CRISP2: variants seen among roughly 807,000 people sequenced by gnomAD.
CRISP2 encodes the protein cysteine rich secretory protein 2.
In CRISP2, 29 loss-of-function variants were observed where a neutral mutation model predicts 31.7. That is an observed-to-expected ratio of 0.92 (90% CI 0.68 to 1.25). The LOEUF (loss-of-function observed/expected upper bound fraction) is 1.25, where lower values mean the gene tolerates loss of function less well. CRISP2 is among the 50% of genes most tolerant of loss of function. The probability of loss-of-function intolerance (pLI) is 0.00; values close to 1 mark genes in which losing one functional copy is unlikely to be tolerated. For synonymous variants in CRISP2, 111 were observed against 101.4 expected, an observed-to-expected ratio of 1.09 and a Z score of -0.57; for missense variants, 318 against 286.5, an observed-to-expected ratio of 1.11 and a Z score of -0.79.
chr6:49,695,050 A>G (rs555395532), intron 9 of CRISP2, among the ~76,000 whole-genome samples: 34 of 152,312 alleles, frequency 2.2e-4, no homozygotes, highest in Middle Eastern at 6.8e-3. Context: ...GTCAGAAAAA[A>G]TGCTTAGTAA....
At chr6:49,686,010 T>C in the CRISP2 span, among the ~76,000 whole-genome samples, 1 of 152,194 alleles carries the variant, frequency 6.6e-6, no homozygotes, top group Admixed American at 6.5e-5. Context: ...CCACCCATGG[T>C]ATACTAGTGT....
At chr6:49,681,835 T>A in the CRISP2 span, among the ~76,000 whole-genome samples, 51 of 152,000 alleles carry the variant, frequency 3.4e-4, no homozygotes, top group African/African-American at 1.2e-3. Context: ...GCTTCAAGAT[T>A]TTTTTTTGCC....
rs1204627640 is a variant in CRISP2, at chr6:49,701,496, GTGTGTA to G, written c.67-718_67-713del. 1.3e-3 allele frequency among the ~76,000 whole-genome samples: 58 copies of G among 44,334 alleles called. 1 individual carries two copies. The highest frequency in any genetic ancestry group is 7.2e-3 in the African/African-American group (50 of 6,920). 29.1% of individuals were successfully genotyped at this position (44,334 alleles called of 152,430 possible). On this transcript the variant is annotated intron_variant, in intron 4 of 9. Transcript: ENST00000339139. Reference sequence around the variant, plus strand: ...GCTGAGCAGTATTACGTGTGTGTGTGTGTGTATATATATATATATATATATATATAC... The same window carrying G: ...GCTGAGCAGTATTACGTGTGTGTGTGTATATATATATATATATATATATAC...
At chr6:49,700,249 T>C (rs1449176651) in intron 5 of CRISP2, among the ~76,000 whole-genome samples, 2 of 152,166 alleles carry the variant, frequency 1.3e-5, no homozygotes, top group African/African-American at 4.8e-5. Flanking sequence ...TCCAATTCCA[T>C]TTGTTTTCAT....
chr6:49,705,524 C>T (rs548331565), intron 4 of CRISP2, among the ~76,000 whole-genome samples: 1 of 152,306 alleles, frequency 6.6e-6, no homozygotes, highest in Admixed American at 6.5e-5. Context: ...CCGTACTTCC[C>T]ATTCAGAATC....
intron 2 of CRISP2, among the ~76,000 whole-genome samples, 155 bp downstream of exon 2, chr6:49,712,346 C>T (rs1355355205): frequency 6.6e-6 from 1 of 152,194 alleles, no homozygotes; most frequent in African/African-American, 2.4e-5. Context: ...CTATACTCAT[C>T]TTCATTGAGT....
chr6:49,702,001 T>TG (rs1284286687), intron 4 of CRISP2, among the ~76,000 whole-genome samples: 1 of 64,238 alleles, frequency 1.6e-5, no homozygotes, highest in East Asian at 4.3e-4. Flanking sequence ...ATATATTATA[T>TG]TATACATATT....
At chr6:49,679,681 GTGT>G in the CRISP2 span, among the ~76,000 whole-genome samples, 42 of 81,246 alleles carry the variant, frequency 5.2e-4, no homozygotes, top group Admixed American at 2.5e-3. Context: ...TTCTGATTCA[GTGT>G]TGTTGTTTTT....
intron 4 of CRISP2, among the ~76,000 whole-genome samples, chr6:49,701,402 T>C (rs1765655055): frequency 1.3e-5 from 2 of 150,476 alleles, no homozygotes; most frequent in Admixed American, 1.3e-4. Context: ...CTGAGTTACG[T>C]CACTTGGAAT....
At chr6:49,681,594 AAG>A in the CRISP2 span, among the ~76,000 whole-genome samples, 2 of 152,238 alleles carry the variant, frequency 1.3e-5, 1 homozygote, top group Non-Finnish European at 2.9e-5. Flanking sequence ...AACTATCAAA[AAG>A]AAACAAATTT....
intron 4 of CRISP2, 69 bp from the exon 5 acceptor site, chr6:49,700,853 A>C (rs1765546457): frequency 1.0e-6 from 1 of 976,840 alleles, no homozygotes; most frequent in African/African-American, 1.7e-5. Context: ...TGAATAAGTT[A>C]ATTCAAGAGA....
In CRISP2 at chr6:49,711,580, C is replaced by T. The variant is rs182212249; in HGVS notation, c.-46-259G>A. ...CAGTTCTCCCTTCTCCTTAGGCACA[C>T]GATAATCTGCATGTGGCCTTTTTGG... On this transcript the variant is annotated intron_variant, in intron 2 of 9. Coordinates refer to ENST00000339139, the MANE Select transcript of CRISP2 (RefSeq NM_003296.4). Among the ~76,000 whole-genome samples the T allele has an allele frequency of 2.4e-4, 37 of 152,278 alleles. 1 individual carries two copies. Among genetic ancestry groups the T allele is most frequent in the Middle Eastern group, 3.4e-3 (1 of 294 alleles).
intron 4 of CRISP2, among the ~76,000 whole-genome samples, chr6:49,701,980 TATATA>T (rs1169653003): frequency 4.2e-4 from 8 of 19,036 alleles, no homozygotes; most frequent in Non-Finnish European, 6.3e-4. Flanking sequence ...ATATATAATA[TATATA>T]ATATAATATA....
the CRISP2 span, among the ~76,000 whole-genome samples, chr6:49,681,189 TC>T: frequency 1.3e-5 from 2 of 152,108 alleles, no homozygotes; most frequent in South Asian, 4.1e-4. Flanking sequence ...AATGAAGGGG[TC>T]CAGTTTTAAT....
chr6:49,687,184 TAAAA>T, the CRISP2 span, among the ~76,000 whole-genome samples: 4 of 152,222 alleles, frequency 2.6e-5, no homozygotes, highest in East Asian at 5.8e-4. Context: ...CACATGTGCC[TAAAA>T]AAGCCTTTAA....
chr6:49,679,193 T>G, the CRISP2 span, among the ~76,000 whole-genome samples: 1 of 152,160 alleles, frequency 6.6e-6, no homozygotes, highest in South Asian at 2.1e-4. Flanking sequence ...AAAAAAGCTC[T>G]AAGTCTTTGT....
chr6:49,708,915 T>C (rs1455920904), intron 4 of CRISP2, among the ~76,000 whole-genome samples: 1 of 152,212 alleles, frequency 6.6e-6, no homozygotes, highest in African/African-American at 2.4e-5. Context: ...AAGTGTTCAG[T>C]AGTCACATGT....
chr6:49,711,101 C>G (rs1316062123), intron 3 of CRISP2, among the ~76,000 whole-genome samples, 184 bp downstream of exon 3: 1 of 152,092 alleles, frequency 6.6e-6, no homozygotes, highest in Non-Finnish European at 1.5e-5. Context: ...ACTATGATCA[C>G]AGCACTGCAT....
intron 8 of CRISP2, 41 bp from the exon 9 acceptor site, chr6:49,695,965 G>C (rs1438632936): frequency 7.6e-7 from 1 of 1,323,996 alleles, no homozygotes; most frequent in Admixed American, 1.8e-5. Flanking sequence ...TCACTTTACT[G>C]TTTATACTCT....
Sources: gnomAD v4.1 joint callset for allele counts (sites outside exome capture counted in the v4.1 genomes callset) on GRCh38, gnomAD v4.1.1 for gene constraint, MANE v1.5 for transcripts, NCBI Gene and HGNC (gene_info 2026-07-23, HGNC 2026-07-21) for gene names.